Variants in ATP8B2 observed in about 807,000 individuals in gnomAD.
The protein encoded by ATP8B2 is phospholipid-transporting ATPase ID.
ATP8B2 carries 70 observed loss-of-function variants against 133.4 expected under a neutral mutation model. The ratio of observed to expected loss-of-function variants is 0.52; its 90% CI spans 0.43 to 0.64. The LOEUF (loss-of-function observed/expected upper bound fraction) is 0.64, where lower values mean the gene tolerates loss of function less well. Among genes scored for constraint, ATP8B2 ranks in the 30% least tolerant of loss-of-function variants. The pLI, the probability that ATP8B2 is intolerant of heterozygous loss-of-function variation, is 0.00. For synonymous variants in ATP8B2, 517 were observed against 589.5 expected (o/e 0.88, Z 1.78); for missense variants, 1,101 against 1,535.7 (o/e 0.72, Z 4.73).
chr1:154,335,192 T>A (rs1025555459), intron 11 of ATP8B2, among the ~76,000 whole-genome samples: 5 of 152,084 alleles, frequency 3.3e-5, no homozygotes, highest in African/African-American at 1.2e-4. Context: ...TTAAAGAGTG[T>A]GCGGAAACCC....
Position 154,331,783 on chromosome 1 carries a change from G to T in ATP8B2, c.438+105G>T. On this transcript the variant is annotated intron_variant, in intron 7 of 27. Transcript: ENST00000368489. This position sits in a 1 kb window ranked among gnomAD's most constrained non-coding sequence, Gnocchi z 4.8. ...TGTTGCCTCTTAAACACCCGTGGCA[G>T]GAATCTTTCTCACACCAGGGGCTTC... 2.9e-6 allele frequency: 4 copies of T among 1,382,332 alleles called. No homozygotes were observed. The highest frequency in any genetic ancestry group is 4.1e-6 in the Non-Finnish European group (4 of 972,072). 85.6% of individuals were successfully genotyped at this position (1,382,332 alleles called of 1,614,324 possible).
At position 154,331,740 on chromosome 1, in the gene ATP8B2, G is replaced by C; in HGVS notation, c.438+62G>C. The C allele has an allele frequency of 2.6e-6, 4 of 1,541,468 alleles. No homozygotes were observed. Among genetic ancestry groups the C allele is most frequent in the Non-Finnish European group, 3.6e-6 (4 of 1,114,004 alleles). On this transcript the variant is annotated intron_variant, in intron 7 of 27. Transcript: ENST00000368489. The surrounding 1 kb of genome is among the most constrained non-coding windows in gnomAD (Gnocchi z 4.8). ...TTCCTCTTCTTTGTGAGAAAAGGAT[G>C]AATCTTTCCTGATTTACTGTTGCCT...
chr1:154,340,669 TGCTGGCTGTGTGCA>T lies in ATP8B2; in HGVS notation c.1035-182_1035-169del. 1.6e-6 allele frequency: 1 copy of T among 627,314 alleles called. No individual in the cohort carries two copies. Among genetic ancestry groups the T allele is most frequent in the Non-Finnish European group, 2.9e-6 (1 of 347,944 alleles). 38.9% of individuals were successfully genotyped at this position (627,314 alleles called of 1,614,324 possible). A position where few individuals can be genotyped will look rare whatever the true frequency, so the allele number is the denominator to read the frequency against. ...GGAGGGTCGGGTCGGGGCGTTCCTC[TGCTGGCTGTGTGCA>T]GCCGGCTCCACCTTCAGGCTCTCCT... On this transcript the variant is annotated intron_variant, in intron 12 of 27. Coordinates refer to ENST00000368489, the MANE Select transcript of ATP8B2 (RefSeq NM_001370597.1). The surrounding 1 kb of genome is among the most constrained non-coding windows in gnomAD (Gnocchi z 4.0).
intron 13 of ATP8B2, 24 bp from the exon 14 acceptor site, chr1:154,342,455 CT>C: frequency 1.2e-6 from 2 of 1,613,012 alleles, no homozygotes; most frequent in Non-Finnish European, 1.7e-6. Context: ...GACATTGCTT[CT>C]TTTTCTGCCC....
chr1:154,348,545 A>G lies in ATP8B2; in HGVS notation c.3294+7A>G, dbSNP rs1324504383. ...GCCGGATCTCTCCGACACGGTGAGAAGCCAGGCTACCTGCTGTGGGAGGCA... is the reference window on the plus strand; with the variant it reads ...GCCGGATCTCTCCGACACGGTGAGAGGCCAGGCTACCTGCTGTGGGAGGCA... On this transcript the variant is annotated splice_region_variant and intron_variant, in intron 27 of 27. Coordinates refer to ENST00000368489, the MANE Select transcript of ATP8B2 (RefSeq NM_001370597.1). 1 of 1,613,110 alleles carries G rather than the reference A, an allele frequency of 6.2e-7. No individual in the cohort carries two copies. The highest frequency in any genetic ancestry group is 1.1e-5 in the South Asian group (1 of 91,060).
chr1:154,332,666 G>A lies in ATP8B2; in HGVS notation c.558G>A (p.Leu186=), dbSNP rs371131370. 1.9e-5 allele frequency: 30 copies of A among 1,585,374 alleles called. No homozygotes were observed. Among genetic ancestry groups the A allele is most frequent in the Non-Finnish European group, 2.4e-5 (28 of 1,164,620 alleles). ...AGGCGATTCCAGTCACCTCAGAATT[G>A]GGAGACATCAGTAAGCTTGCCAAGT... The part of the protein sequence containing the change: ...VRQAIPVTSE[L]GDISKLAKFD... Residue 186 remains leucine (L), a synonymous_variant, in exon 9 of 28, where the codon TTG becomes TTA. Transcript: ENST00000368489.
intron 2 of ATP8B2, chr1:154,329,178 C>T: frequency 9.4e-7 from 1 of 1,064,600 alleles, no homozygotes; most frequent in Non-Finnish European, 1.2e-6. Flanking sequence ...CCTTGATCCT[C>T]TTTCCAGACC....
Position 154,328,764 on chromosome 1 carries a change from G to A in ATP8B2, c.31+592G>A. On this transcript the variant is annotated intron_variant, in intron 2 of 27. Coordinates refer to ENST00000368489, the MANE Select transcript of ATP8B2 (RefSeq NM_001370597.1). This position sits in a 1 kb window ranked among gnomAD's most constrained non-coding sequence, Gnocchi z 4.6. ...CACTCAGCGCACGCTGGCATCCGCCGGGGGGCATGGGGGGCGGCGGCGGCG... is the reference window on the plus strand; with the variant it reads ...CACTCAGCGCACGCTGGCATCCGCCAGGGGGCATGGGGGGCGGCGGCGGCG... 1 of 994,944 alleles carries A rather than the reference G, an allele frequency of 1.0e-6. No individual in the cohort carries two copies. 61.6% of individuals were successfully genotyped at this position (994,944 alleles called of 1,614,324 possible).
rs376001580 is a variant in ATP8B2, at chr1:154,346,471, G to A, written c.3019G>A (p.Val1007Met). The change falls in exon 25 of 28, where the codon GTG becomes ATG. Residue 1007 changes from valine to methionine, a missense_variant. By Grantham distance (21) the Val-to-Met change is conservative (BLOSUM62 1). Coordinates refer to ENST00000368489, the MANE Select transcript of ATP8B2 (RefSeq NM_001370597.1). This position sits in a 1 kb window ranked among gnomAD's most constrained non-coding sequence, Gnocchi z 4.5. Reference protein sequence around the residue: ...VATSLVIVVSVQIGLDTGYWT... With the variant: ...VATSLVIVVSMQIGLDTGYWT... Reference sequence around the variant, plus strand: ...CACATCCTTGGTCATTGTGGTTAGCGTGCAGGTATGAGGCCATCCAGGAAC... The same window carrying A: ...CACATCCTTGGTCATTGTGGTTAGCATGCAGGTATGAGGCCATCCAGGAAC... 11 of 1,612,460 alleles carry A rather than the reference G, an allele frequency of 6.8e-6. No individual in the cohort carries two copies. Among genetic ancestry groups the A allele is most frequent in the Admixed American group, 1.7e-5 (1 of 59,960 alleles).
Position 154,328,263 on chromosome 1 carries a change from T to C in ATP8B2, c.31+91T>C. 2 of 1,377,326 alleles carry C rather than the reference T, an allele frequency of 1.5e-6. No homozygotes were observed. Among genetic ancestry groups the C allele is most frequent in the Non-Finnish European group, 2.1e-6 (2 of 967,258 alleles). The allele number at this position is 1,377,326 out of a possible 1,614,324, so 85.3% of individuals were successfully genotyped here. ...GCAAAAGGAAAAGGGACAACTGGTATGGGTCTGAGGGAGGGTAGCTTACAG... is the reference window on the plus strand; with the variant it reads ...GCAAAAGGAAAAGGGACAACTGGTACGGGTCTGAGGGAGGGTAGCTTACAG... On this transcript the variant is annotated intron_variant, in intron 2 of 27. Coordinates refer to ENST00000368489, the MANE Select transcript of ATP8B2 (RefSeq NM_001370597.1). This position sits in a 1 kb window ranked among gnomAD's most constrained non-coding sequence, Gnocchi z 4.6.
rs777161572 is a variant in ATP8B2 at position 154,346,499 on chromosome 1, C to T, written c.3024+23C>T. The T allele has an allele frequency of 6.2e-7, 1 of 1,606,260 alleles. No individual in the cohort carries two copies. Among genetic ancestry groups the T allele is most frequent in the South Asian group, 1.1e-5 (1 of 90,092 alleles). Reference sequence around the variant, plus strand: ...CAGGTATGAGGCCATCCAGGAACTCCCCTCTTCTCTGGAAGGAGTGAGCCT... The same window carrying T: ...CAGGTATGAGGCCATCCAGGAACTCTCCTCTTCTCTGGAAGGAGTGAGCCT... On this transcript the variant is annotated intron_variant, in intron 25 of 27. Transcript: ENST00000368489. The surrounding 1 kb of genome is among the most constrained non-coding windows in gnomAD (Gnocchi z 4.5).
intron 9 of ATP8B2, 103 bp downstream of exon 9, chr1:154,332,800 A>T (rs767501080): frequency 1.4e-5 from 13 of 898,384 alleles, no homozygotes; most frequent in Non-Finnish European, 2.0e-5. Flanking sequence ...TGTTGTTATT[A>T]TGCAACTCCC....
In ATP8B2 at chr1:154,334,081, CA is replaced by C. The variant is rs1434687996; in HGVS notation, c.590-25del. The C allele has an allele frequency of 3.1e-6, 5 of 1,612,130 alleles. No individual in the cohort carries two copies. The African/African-American group carries it at 4.0e-5, about 13-fold the overall frequency. ...GTTAGGCTGTAGACTGGACCTTAAGCAGTGGAATTCTTGTCTCCTGTTCAGG... is the reference window on the plus strand; with the variant it reads ...GTTAGGCTGTAGACTGGACCTTAAGCGTGGAATTCTTGTCTCCTGTTCAGG... On this transcript the variant is annotated intron_variant, in intron 9 of 27. Transcript: ENST00000368489. This position sits in a 1 kb window ranked among gnomAD's most constrained non-coding sequence, Gnocchi z 4.6.
chr1:154,337,318 G>A (rs756672348), intron 11 of ATP8B2, 30 bp from the exon 12 acceptor site: 2 of 1,593,988 alleles, frequency 1.3e-6, no homozygotes, highest in Admixed American at 3.4e-5. Context: ...CTACATGTCA[G>A]CCTCGCCTGT....
At chr1:154,347,463 G>A (rs1558276298) in intron 26 of ATP8B2, among the ~76,000 whole-genome samples, 1 of 152,254 alleles carries the variant, frequency 6.6e-6, no homozygotes, top group East Asian at 1.9e-4. Flanking sequence ...GGAGGGCTTT[G>A]AGCAGAGAAA....
chr1:154,346,602 T>C lies in ATP8B2; in HGVS notation c.3025-18T>C. The C allele has an allele frequency of 6.2e-7, 1 of 1,614,174 alleles. No individual in the cohort carries two copies. Among genetic ancestry groups the C allele is most frequent in the South Asian group, 1.1e-5 (1 of 91,082 alleles). On this transcript the variant is annotated intron_variant, in intron 25 of 27. Transcript: ENST00000368489. This position sits in a 1 kb window ranked among gnomAD's most constrained non-coding sequence, Gnocchi z 4.5. ...CTTTTAGGGCGTGCGCCTGCCTGAC[T>C]ATGCCTACTTTCTGCAGATTGGGCT... is the stretch of plus-strand genomic sequence containing the variant.
rs1388974317 is a variant in ATP8B2, at chr1:154,343,933, A to G, written c.1799A>G (p.Tyr600Cys). 1.2e-6 allele frequency: 2 copies of G among 1,613,842 alleles called. No individual in the cohort carries two copies. Among genetic ancestry groups the G allele is most frequent in the Middle Eastern group, 1.7e-4 (1 of 6,018 alleles). Residue 600 changes from tyrosine (Y) to cysteine (C), a missense_variant, in exon 18 of 28, where the codon TAC (tyrosine) becomes TGC (cysteine). Tyr to Cys is a radical substitution (Grantham distance 194, BLOSUM62 -2). Coordinates refer to ENST00000368489, the MANE Select transcript of ATP8B2 (RefSeq NM_001370597.1). The surrounding 1 kb of genome is among the most constrained non-coding windows in gnomAD (Gnocchi z 5.8). ...GGGCTGAGGACCCTGGTGCTGGCCT[A>G]CAAGGATCTGGATGAAGAGTACTAC... is the stretch of plus-strand genomic sequence containing the variant. ...GEGLRTLVLA[Y>C]KDLDEEYYEE... is the part of the protein sequence containing the mutation.
intron 11 of ATP8B2, 149 bp from the exon 12 acceptor site, chr1:154,337,199 C>T (rs568892647): frequency 1.3e-6 from 1 of 768,268 alleles, no homozygotes. Context: ...TGTGTTGGGC[C>T]ACATGTGGCC....
rs149548274 is a variant in ATP8B2, at chr1:154,340,943, G to A, written c.1124G>A (p.Arg375His). 5.0e-6 allele frequency: 8 copies of A among 1,614,106 alleles called. No homozygotes were observed. Among genetic ancestry groups the A allele is most frequent in the East Asian group, 2.2e-5 (1 of 44,882 alleles). ...AAGAAGCGGACGCCTGCAGAAGCCC[G>A]CACCACCACCCTAAACGAGGAGCTG... ...CMKKRTPAEA[R>H]TTTLNEELGQ... The change falls in exon 13 of 28, where the codon CGC (arginine) becomes CAC (histidine). Residue 375 changes from arginine to histidine, a missense_variant. Transcript: ENST00000368489. The surrounding 1 kb of genome is among the most constrained non-coding windows in gnomAD (Gnocchi z 4.0).
Sources: allele counts gnomAD v4.1 joint callset (sites outside exome capture counted in the v4.1 genomes callset), GRCh38; gene constraint gnomAD v4.1.1; non-coding constraint Gnocchi (gnomAD v3.1); transcripts MANE v1.5; gene names NCBI Gene and HGNC (gene_info 2026-07-23, HGNC 2026-07-21).